AP1M1: variants seen among roughly 807,000 people sequenced by gnomAD.
The protein encoded by AP1M1 is adaptor related protein complex 1 subunit mu 1.
Under a neutral mutation model 57.1 loss-of-function variants are expected in AP1M1, and 18 were observed. That is an observed-to-expected ratio of 0.32 (90% CI 0.22 to 0.47). The LOEUF is 0.47. Ranked by LOEUF, AP1M1 falls within the 20% of genes least tolerant of loss-of-function variation. The pLI is 1.00. For missense variants in AP1M1, 362 were observed against 593.5 expected (o/e 0.61, Z 4.05); for synonymous variants, 241 against 237.9 (o/e 1.01, Z -0.12).
At position 16,203,211 on chromosome 19, in the gene AP1M1, C is replaced by G; in HGVS notation, c.43-248C>G. 1.9e-6 allele frequency: 1 copy of G among 530,974 alleles called. No individual in the cohort carries two copies. Among genetic ancestry groups the G allele is most frequent in the Non-Finnish European group, 3.4e-6 (1 of 293,118 alleles). 32.9% of individuals were successfully genotyped at this position (530,974 alleles called of 1,614,324 possible). A position where few individuals can be genotyped will look rare whatever the true frequency, so the allele number is the denominator to read the frequency against. ...AGTCCTGGACCTTTGCTGCAGAGTT[C>G]GCCTCTACCCTCACCCTGCGAAGAA... On this transcript the variant is annotated intron_variant, in intron 1 of 11. Coordinates refer to ENST00000291439, the MANE Select transcript of AP1M1 (RefSeq NM_032493.4). This position sits in a 1 kb window ranked among gnomAD's most constrained non-coding sequence, Gnocchi z 4.6.
intron 4 of AP1M1, 43 bp downstream of exon 4, chr19:16,208,192 G>C: frequency 6.4e-7 from 1 of 1,566,854 alleles, no homozygotes; most frequent in Non-Finnish European, 8.7e-7. Flanking sequence ...CCTGGGCGGT[G>C]TCATGACATC....
chr19:16,229,110 A>C (rs112391324), intron 9 of AP1M1, among the ~76,000 whole-genome samples, 182 bp downstream of exon 9: 30 of 152,232 alleles, frequency 2.0e-4, no homozygotes, highest in African/African-American at 5.5e-4. Context: ...GCAGAGGCTG[A>C]CTCGGCCCCT....
At position 16,236,291 on chromosome 19, in the gene AP1M1, C is replaced by T. The variant is rs1394322220; in HGVS notation, c.*1856C>T. ...CAGGACAGAAGAGAGACTTCAGTTT[C>T]CAGCAACTTATCAGATAAGACCTGC... On this transcript the variant is annotated 3_prime_UTR_variant, in exon 12 of 12. Coordinates refer to ENST00000291439, the MANE Select transcript of AP1M1 (RefSeq NM_032493.4). 6.6e-6 allele frequency: 1 copy of T among 152,332 alleles called. No individual in the cohort carries two copies. The highest frequency in any genetic ancestry group is 1.5e-5 in the Non-Finnish European group (1 of 68,114). 9.4% of individuals were successfully genotyped at this position (152,332 alleles called of 1,614,324 possible).
At position 16,242,663 on chromosome 19, in the gene AP1M1, A is replaced by T. The variant is rs1845752317; in HGVS notation, c.*8228A>T. The T allele has an allele frequency of 6.6e-6, 1 of 152,276 alleles. No individual in the cohort carries two copies. The highest frequency in any genetic ancestry group is 1.5e-5 in the Non-Finnish European group (1 of 68,056). The allele number at this position is 152,276 out of a possible 1,614,324, so 9.4% of individuals were successfully genotyped here. A position where few individuals can be genotyped will look rare whatever the true frequency, so the allele number is the denominator to read the frequency against. Reference sequence around the variant, plus strand: ...CACTTAAAATATAAGCACACAACACAGTTAAAAGTAAAAAGACATTAAAAG... The same window carrying T: ...CACTTAAAATATAAGCACACAACACTGTTAAAAGTAAAAAGACATTAAAAG... On this transcript the variant is annotated 3_prime_UTR_variant, in exon 12 of 12. Coordinates refer to ENST00000291439, the MANE Select transcript of AP1M1 (RefSeq NM_032493.4).
At chr19:16,214,052 C>CTTTTTTTTTT (rs71178658) in intron 5 of AP1M1, among the ~76,000 whole-genome samples, 6 of 139,506 alleles carry the variant, frequency 4.3e-5, no homozygotes, top group Non-Finnish European at 7.7e-5. Context: ...TTTCCTTTTT[C>CTTTTTTTTTT]TTTTTTTTTT....
rs2091642832 is a variant in AP1M1, at chr19:16,240,745, CA to C, written c.*6311del. ...GATTACAGGCATGAGCCACTGCGCC[CA>C]GCCTGAAAATCTTGAAATTTTAAGA... On this transcript the variant is annotated 3_prime_UTR_variant, in exon 12 of 12. Transcript: ENST00000291439. The C allele has an allele frequency of 1.3e-5, 2 of 152,092 alleles. No individual in the cohort carries two copies. Among genetic ancestry groups the C allele is most frequent in the Admixed American group, 6.5e-5 (1 of 15,270 alleles). 9.4% of individuals were successfully genotyped at this position (152,092 alleles called of 1,614,324 possible).
chr19:16,230,536 G>T (rs559195604), intron 9 of AP1M1, among the ~76,000 whole-genome samples: 6 of 152,196 alleles, frequency 3.9e-5, no homozygotes, highest in Middle Eastern at 3.4e-3. Context: ...GAGCAGCTGG[G>T]ATTACAGGCA....
rs533681252 is a variant in AP1M1, at chr19:16,206,627, A to G, written c.267+219A>G. On this transcript the variant is annotated intron_variant, in intron 3 of 11. Transcript: ENST00000291439. The surrounding 1 kb of genome is among the most constrained non-coding windows in gnomAD (Gnocchi z 4.3). ...CTACCGTGGGGAAGAAAGGAAAGTG[A>G]ACAGGAAAAGGTAGGGCTCAGAGCA... 7.1e-5 allele frequency: 42 copies of G among 594,972 alleles called. No homozygotes were observed. The South Asian group carries it at 7.7e-4, about 11-fold the overall frequency. The allele number at this position is 594,972 out of a possible 1,614,324, so 36.9% of individuals were successfully genotyped here.
rs950018308 is a variant in AP1M1 at position 16,239,153 on chromosome 19, G to A, written c.*4718G>A. The A allele has an allele frequency of 4.2e-5, 6 of 141,650 alleles. No homozygotes were observed. Among genetic ancestry groups the A allele is most frequent in the African/African-American group, 1.6e-4 (6 of 37,918 alleles). 8.8% of individuals were successfully genotyped at this position (141,650 alleles called of 1,614,324 possible). On this transcript the variant is annotated 3_prime_UTR_variant, in exon 12 of 12. Transcript: ENST00000291439. The stretch of plus-strand genomic sequence containing the variant: ...TCTCCATGTTGGTCAGGCTGGTCTC[G>A]AACTCCCGGCTTCAGGTGATCCGCC...
rs554903220 is a variant in AP1M1 at position 16,234,551 on chromosome 19, C to T, written c.*116C>T. The stretch of plus-strand genomic sequence containing the variant: ...CCCTGGTCTCTGGCCACCCTCCCAG[C>T]CTCTGCCCAGGGACCCCTGCCTTCC... On this transcript the variant is annotated 3_prime_UTR_variant, in exon 12 of 12. Transcript: ENST00000291439. 3.0e-3 allele frequency: 4,131 copies of T among 1,384,050 alleles called. 10 individuals are homozygous for T. The highest frequency in any genetic ancestry group is 3.7e-3 in the Non-Finnish European group (3,735 of 997,488). The allele number at this position is 1,384,050 out of a possible 1,614,324, so 85.7% of individuals were successfully genotyped here.
intron 5 of AP1M1, among the ~76,000 whole-genome samples, chr19:16,219,375 G>A (rs978518556): frequency 6.0e-5 from 9 of 150,268 alleles, no homozygotes; most frequent in East Asian, 5.9e-4. Context: ...AGGTCCAAAC[G>A]TGAAATTCAT....
In AP1M1 at chr19:16,239,239, C is replaced by CCTTTTTTTTT. The variant is rs2091636479; in HGVS notation, c.*4804_*4805insCTTTTTTTTT. ...TGAGCCACCGCGCCCGGCCAGTTCT[C>CCTTTTTTTTT]TTTTTTTTTTTTTTTTTTTTTTTTT... On this transcript the variant is annotated 3_prime_UTR_variant, in exon 12 of 12. Coordinates refer to ENST00000291439, the MANE Select transcript of AP1M1 (RefSeq NM_032493.4). 2 of 39,232 alleles carry CCTTTTTTTTT rather than the reference C, an allele frequency of 5.1e-5. No individual in the cohort carries two copies. Among genetic ancestry groups the CCTTTTTTTTT allele is most frequent in the African/African-American group, 1.8e-4 (2 of 11,246 alleles). 2.4% of individuals were successfully genotyped at this position (39,232 alleles called of 1,614,324 possible). A position where few individuals can be genotyped will look rare whatever the true frequency, so the allele number is the denominator to read the frequency against.
chr19:16,206,543 TG>T lies in AP1M1; in HGVS notation c.267+138del. Reference sequence around the variant, plus strand: ...GCACTGGGGCTGGAAGCCCAGGAAGTGGGAAAGGGGAGTCCCAACTCCCCAC... The same window carrying T: ...GCACTGGGGCTGGAAGCCCAGGAAGTGGAAAGGGGAGTCCCAACTCCCCAC... On this transcript the variant is annotated intron_variant, in intron 3 of 11. Coordinates refer to ENST00000291439, the MANE Select transcript of AP1M1 (RefSeq NM_032493.4). This position sits in a 1 kb window ranked among gnomAD's most constrained non-coding sequence, Gnocchi z 4.3. 1 of 908,350 alleles carries T rather than the reference TG, an allele frequency of 1.1e-6. No homozygotes were observed. The highest frequency in any genetic ancestry group is 1.7e-6 in the Non-Finnish European group (1 of 577,794). The allele number at this position is 908,350 out of a possible 1,614,324, so 56.3% of individuals were successfully genotyped here.
chr19:16,227,996 A>G lies in AP1M1; in HGVS notation c.817-141A>G. On this transcript the variant is annotated intron_variant, in intron 7 of 11. Transcript: ENST00000291439. This position sits in a 1 kb window ranked among gnomAD's most constrained non-coding sequence, Gnocchi z 6.2. ...GGCCTGTCTGCCCTGGCCCTCCCTG[A>G]CGCTGGCTGTACGCTCCCTGCAGGG... is the stretch of plus-strand genomic sequence containing the variant. The G allele has an allele frequency of 1.1e-6, 1 of 920,704 alleles. No homozygotes were observed. The highest frequency in any genetic ancestry group is 1.7e-6 in the Non-Finnish European group (1 of 598,156). The allele number at this position is 920,704 out of a possible 1,614,324, so 57.0% of individuals were successfully genotyped here. A position where few individuals can be genotyped will look rare whatever the true frequency, so the allele number is the denominator to read the frequency against.
chr19:16,217,850 C>T (rs2091525418), intron 5 of AP1M1, among the ~76,000 whole-genome samples: 1 of 152,102 alleles, frequency 6.6e-6, no homozygotes, highest in African/African-American at 2.4e-5. Flanking sequence ...TTCTGCCCCG[C>T]CTGAGGTAGG....
In AP1M1 at chr19:16,227,998, G is replaced by A. The variant is rs1174670084; in HGVS notation, c.817-139G>A. The A allele has an allele frequency of 1.7e-5, 16 of 933,826 alleles. No homozygotes were observed. Among genetic ancestry groups the A allele is most frequent in the East Asian group, 2.6e-5 (1 of 38,162 alleles). 57.8% of individuals were successfully genotyped at this position (933,826 alleles called of 1,614,324 possible). On this transcript the variant is annotated intron_variant, in intron 7 of 11. Transcript: ENST00000291439. The surrounding 1 kb of genome is among the most constrained non-coding windows in gnomAD (Gnocchi z 6.2). Reference sequence around the variant, plus strand: ...CCTGTCTGCCCTGGCCCTCCCTGACGCTGGCTGTACGCTCCCTGCAGGGCT... The same window carrying A: ...CCTGTCTGCCCTGGCCCTCCCTGACACTGGCTGTACGCTCCCTGCAGGGCT...
Position 16,236,830 on chromosome 19 carries a change from T to C in AP1M1, c.*2395T>C, listed in dbSNP as rs1294690987. Reference sequence around the variant, plus strand: ...CCTCGCACACAATAGACCCTCAACATGAGGGCACATCCTGAAAATTACAAA... The same window carrying C: ...CCTCGCACACAATAGACCCTCAACACGAGGGCACATCCTGAAAATTACAAA... On this transcript the variant is annotated 3_prime_UTR_variant, in exon 12 of 12. Coordinates refer to ENST00000291439, the MANE Select transcript of AP1M1 (RefSeq NM_032493.4). 1.3e-5 allele frequency: 2 copies of C among 152,228 alleles called. No individual in the cohort carries two copies. Among genetic ancestry groups the C allele is most frequent in the African/African-American group, 4.8e-5 (2 of 41,456 alleles). 9.4% of individuals were successfully genotyped at this position (152,228 alleles called of 1,614,324 possible). A position where few individuals can be genotyped will look rare whatever the true frequency, so the allele number is the denominator to read the frequency against.
At chr19:16,205,174 C>T (rs545148897) in intron 2 of AP1M1, among the ~76,000 whole-genome samples, 15 of 152,274 alleles carry the variant, frequency 9.9e-5, no homozygotes, top group African/African-American at 3.1e-4. Flanking sequence ...CCTCTGAAGC[C>T]GCCCAGGTAT....
chr19:16,225,799 G>A (rs956773248), intron 5 of AP1M1, among the ~76,000 whole-genome samples: 1 of 152,172 alleles, frequency 6.6e-6, no homozygotes, highest in African/African-American at 2.4e-5. Context: ...AAGGGGTCAG[G>A]ACTCAGGAAG....
Sources: gnomAD v4.1 joint callset for allele counts (sites outside exome capture counted in the v4.1 genomes callset) on GRCh38, gnomAD v4.1.1 for gene constraint, Gnocchi (gnomAD v3.1) non-coding constraint, MANE v1.5 for transcripts, NCBI Gene and HGNC (gene_info 2026-07-23, HGNC 2026-07-21) for gene names.